The following USH2A variants were observed in gnomAD, a reference collection of about 807,000 sequenced individuals.
USH2A encodes the protein Usher syndrome 2A (autosomal recessive, mild).
Under a neutral mutation model 538.9 loss-of-function variants are expected in USH2A, and 443 were observed. The ratio of observed to expected loss-of-function variants is 0.82; its 90% CI spans 0.76 to 0.89. USH2A has a LOEUF of 0.89. Ranked by LOEUF, USH2A falls within the 40% of genes least tolerant of loss-of-function variation. The probability of loss-of-function intolerance (pLI) is 0.00; values close to 1 mark genes in which losing one functional copy is unlikely to be tolerated. For missense variants in USH2A, 6,633 were observed against 6,324.8 expected (o/e 1.05, Z -1.65); for synonymous variants, 2,413 against 2,273.5 (o/e 1.06, Z -1.75).
At chr1:216,376,256 A>G (rs900965570) in intron 3 of USH2A, among the ~76,000 whole-genome samples, 1 of 152,222 alleles carries the variant, frequency 6.6e-6, no homozygotes, top group Admixed American at 6.5e-5. Flanking sequence ...TTGTCTGTGA[A>G]GCACAACAGA....
chr1:216,213,001 A>T (rs992048228), intron 15 of USH2A, among the ~76,000 whole-genome samples: 1 of 152,120 alleles, frequency 6.6e-6, no homozygotes, highest in Admixed American at 6.6e-5. Context: ...GCATAAAAGG[A>T]ACAGTGCATA....
intron 61 of USH2A, among the ~76,000 whole-genome samples, chr1:215,723,138 A>C (rs759558880): frequency 2.0e-5 from 3 of 152,176 alleles, no homozygotes; most frequent in Non-Finnish European, 4.4e-5. Context: ...GTATTGGTCT[A>C]AAGAGACCCC....
chr1:216,037,778 C>T (rs1408620976), intron 32 of USH2A, among the ~76,000 whole-genome samples: 4 of 150,636 alleles, frequency 2.7e-5, no homozygotes, highest in African/African-American at 9.7e-5. Flanking sequence ...ATTATTTCAT[C>T]ACCCAGGTAT....
At chr1:216,074,458 C>A (rs1023279655) in intron 27 of USH2A, among the ~76,000 whole-genome samples, 1 of 152,132 alleles carries the variant, frequency 6.6e-6, no homozygotes, top group East Asian at 1.9e-4. Flanking sequence ...AAATGCATAA[C>A]AGTAAAATAA....
Position 215,844,460 on chromosome 1 carries a change from A to G in USH2A, c.9092T>C (p.Ile3031Thr). 2 of 1,612,142 alleles carry G rather than the reference A, an allele frequency of 1.2e-6. No individual in the cohort carries two copies. The highest frequency in any genetic ancestry group is 1.7e-6 in the Non-Finnish European group (2 of 1,179,838). ...GATGACACGTACAGCTGTACTGTTGATGATGACAACCTCTGGAGGAAGCAT... is the reference window on the plus strand; with the variant it reads ...GATGACACGTACAGCTGTACTGTTGGTGATGACAACCTCTGGAGGAAGCAT... ...QGMLPPEVVI[I>T]NSTAVRVIWT... Residue 3031 changes from isoleucine to threonine, a missense_variant, in exon 46 of 72, where the codon ATC becomes ACC. Coordinates refer to ENST00000307340, the MANE Select transcript of USH2A (RefSeq NM_206933.4).
At chr1:215,867,608 C>A (rs1664509594) in intron 43 of USH2A, among the ~76,000 whole-genome samples, 1 of 152,170 alleles carries the variant, frequency 6.6e-6, no homozygotes, top group South Asian at 2.1e-4. Flanking sequence ...ATATCAGAAT[C>A]CCTCATCAAC....
At chr1:215,746,636 A>G (rs1660478872) in intron 58 of USH2A, among the ~76,000 whole-genome samples, 1 of 152,166 alleles carries the variant, frequency 6.6e-6, no homozygotes, top group African/African-American at 2.4e-5. Context: ...TGTATAGCTC[A>G]TATTTATTTC....
At chr1:216,138,302 T>A (rs1405344057) in intron 21 of USH2A, among the ~76,000 whole-genome samples, 1 of 152,134 alleles carries the variant, frequency 6.6e-6, no homozygotes, top group Admixed American at 6.5e-5. Flanking sequence ...AAATGCAGCA[T>A]TCAGTTGAAT....
chr1:216,186,614 A>C (rs1162094414), intron 20 of USH2A, among the ~76,000 whole-genome samples: 1 of 152,062 alleles, frequency 6.6e-6, no homozygotes, highest in African/African-American at 2.4e-5. Flanking sequence ...CTATAGCATT[A>C]GCTCCCATCT....
At chr1:215,661,621 G>C (rs1394052631) in intron 64 of USH2A, among the ~76,000 whole-genome samples, 1 of 152,114 alleles carries the variant, frequency 6.6e-6, no homozygotes, top group Non-Finnish European at 1.5e-5. Context: ...ACCATTACAT[G>C]GGTACCAATA....
intron 13 of USH2A, among the ~76,000 whole-genome samples, chr1:216,243,367 T>C (rs1394520803): frequency 2.0e-5 from 3 of 152,238 alleles, no homozygotes; most frequent in Admixed American, 6.5e-5. Flanking sequence ...TTGACTAATG[T>C]TCTGCCAGCT....
At chr1:215,892,994 G>A (rs764722) in intron 40 of USH2A, among the ~76,000 whole-genome samples, 3,905 of 152,168 alleles carry the variant, frequency 0.026, 76 homozygotes, top group Middle Eastern at 0.065. Context: ...GGGGTGAATC[G>A]TAGTAGATGC....
At chr1:215,809,355 C>G (rs1447258391) in intron 49 of USH2A, among the ~76,000 whole-genome samples, 2 of 151,856 alleles carry the variant, frequency 1.3e-5, no homozygotes, top group Non-Finnish European at 2.9e-5. Flanking sequence ...TTTTTTAAAG[C>G]CTCTTTTGAG....
At chr1:216,293,367 G>A (rs1558369684) in intron 9 of USH2A, among the ~76,000 whole-genome samples, 1 of 152,190 alleles carries the variant, frequency 6.6e-6, no homozygotes. Flanking sequence ...TCCTTTCTAA[G>A]TTTGAATCAG....
At chr1:216,009,251 C>T (rs2102490554) in intron 32 of USH2A, among the ~76,000 whole-genome samples, 1 of 152,172 alleles carries the variant, frequency 6.6e-6, no homozygotes, top group Middle Eastern at 3.4e-3. Context: ...TTGCTTCCTT[C>T]ACTATGGGCA....
chr1:215,907,608 C>T (rs901415919), intron 38 of USH2A, among the ~76,000 whole-genome samples: 3 of 152,034 alleles, frequency 2.0e-5, no homozygotes, highest in African/African-American at 2.4e-5. Flanking sequence ...CACTGAGCAT[C>T]TTAATTTTGG....
Position 216,217,699 on chromosome 1 carries a change from A to G in USH2A, c.2994-149T>C, listed in dbSNP as rs866869721. On this transcript the variant is annotated intron_variant, in intron 14 of 71. Transcript: ENST00000307340. ...GAATGCTTGAGCTAAACAAACAAAG[A>G]ATCAACATAAAATAAAGGAAAATAG... 227 of 916,570 alleles carry G rather than the reference A, an allele frequency of 2.5e-4. 1 individual carries two copies. Among genetic ancestry groups the G allele is most frequent in the African/African-American group, 2.0e-3 (118 of 59,442 alleles). The allele number at this position is 916,570 out of a possible 1,614,324, so 56.8% of individuals were successfully genotyped here.
chr1:216,232,232 A>C (rs986998590), intron 13 of USH2A, 96 bp from the exon 14 acceptor site: 1 of 1,332,276 alleles, frequency 7.5e-7, no homozygotes, highest in Admixed American at 2.3e-5. Flanking sequence ...AGAATACTCT[A>C]CCAAGGCACT....
intron 9 of USH2A, among the ~76,000 whole-genome samples, chr1:216,296,369 G>T (rs566885964): frequency 6.6e-6 from 1 of 151,848 alleles, no homozygotes; most frequent in African/African-American, 2.4e-5. Flanking sequence ...TAGTTGTCCC[G>T]CTTCTCATCT....
Sources: gnomAD v4.1 joint callset for allele counts (sites outside exome capture counted in the v4.1 genomes callset) on GRCh38, gnomAD v4.1.1 for gene constraint, MANE v1.5 for transcripts, NCBI Gene and HGNC (gene_info 2026-07-23, HGNC 2026-07-21) for gene names.